Variants in PTCSC3 observed in about 807,000 individuals in gnomAD.
PTCSC3 encodes papillary thyroid carcinoma susceptibility candidate 3 (non-protein coding).
intron 2 of PTCSC3, among the ~76,000 whole-genome samples, chr14:36,156,562 A>G (rs1362032164): frequency 2.0e-5 from 3 of 151,826 alleles, no homozygotes; most frequent in African/African-American, 7.3e-5. Context: ...TCTCTCCCCT[A>G]GCCCCCAACC....
intron 3 of PTCSC3, among the ~76,000 whole-genome samples, chr14:36,140,086 G>A (rs777253489): frequency 6.6e-6 from 1 of 152,178 alleles, no homozygotes; most frequent in African/African-American, 2.4e-5. Context: ...GAATGACAGA[G>A]TATGTAAACT....
intron 3 of PTCSC3, among the ~76,000 whole-genome samples, chr14:36,149,307 T>C (rs919353891): frequency 2.6e-5 from 4 of 152,204 alleles, no homozygotes; most frequent in African/African-American, 9.6e-5. Context: ...GATATTTTTA[T>C]TGATTTCTAT....
intron 3 of PTCSC3, among the ~76,000 whole-genome samples, chr14:36,146,117 G>T (rs1242165057): frequency 1.5e-5 from 2 of 137,256 alleles, no homozygotes; most frequent in African/African-American, 2.6e-5. Context: ...GTGGTGTGGT[G>T]CTGAAAAAAA....
chr14:36,161,336 G>C (rs1187056545), intron 2 of PTCSC3, among the ~76,000 whole-genome samples: 1 of 152,112 alleles, frequency 6.6e-6, no homozygotes, highest in Non-Finnish European at 1.5e-5. Context: ...TTTTGTGCTG[G>C]TTTTTCCTCA....
At chr14:36,169,616 A>G (rs897371265) in intron 1 of PTCSC3, among the ~76,000 whole-genome samples, 2 of 152,180 alleles carry the variant, frequency 1.3e-5, no homozygotes, top group East Asian at 3.8e-4. Flanking sequence ...TATGTGTTGC[A>G]ATTCATCTTT....
chr14:36,148,404 C>A (rs751240343), intron 3 of PTCSC3, among the ~76,000 whole-genome samples: 7 of 152,156 alleles, frequency 4.6e-5, no homozygotes, highest in Non-Finnish European at 7.4e-5. Context: ...GCGCAGTATT[C>A]GGGTGGGAGT....
At chr14:36,157,610 G>A (rs1881857834) in intron 2 of PTCSC3, among the ~76,000 whole-genome samples, 1 of 152,028 alleles carries the variant, frequency 6.6e-6, no homozygotes, top group South Asian at 2.1e-4. Flanking sequence ...TTCTGCGTAT[G>A]GCTAGCCAGT....
At chr14:36,141,337 T>C (rs1210416022) in intron 3 of PTCSC3, among the ~76,000 whole-genome samples, 3 of 152,202 alleles carry the variant, frequency 2.0e-5, no homozygotes, top group South Asian at 4.1e-4. Context: ...AACTGACATC[T>C]TGACAATATT....
Position 36,169,330 on chromosome 14 carries a change from A to C in PTCSC3, n.172-6647T>G, listed in dbSNP as rs1178087949. On this transcript the variant is annotated intron_variant and non_coding_transcript_variant, in intron 1 of 3. Transcript: ENST00000556013. ...TTACATAAATGATACACTCTAAAAA[A>C]CATTTATGAATACGCATTACCATTA... is the stretch of plus-strand genomic sequence containing the variant. Among the ~76,000 whole-genome samples, 5 of 152,190 alleles carry C rather than the reference A, an allele frequency of 3.3e-5. No individual in the cohort carries two copies. The East Asian group carries it at 7.7e-4, about 23-fold the overall frequency.
At chr14:36,142,124 T>C (rs527961157) in intron 3 of PTCSC3, among the ~76,000 whole-genome samples, 24 of 152,208 alleles carry the variant, frequency 1.6e-4, no homozygotes, top group Non-Finnish European at 2.9e-4. Flanking sequence ...AAGCAACTAG[T>C]TTCCCACCAT....
At chr14:36,175,419 G>C (rs893960143) in intron 1 of PTCSC3, among the ~76,000 whole-genome samples, 3 of 152,134 alleles carry the variant, frequency 2.0e-5, no homozygotes, top group Admixed American at 2.0e-4. Context: ...TGGAAGTTCA[G>C]GAGTCAGTAT....
At chr14:36,152,664 A>T (rs1011594500) in intron 3 of PTCSC3, among the ~76,000 whole-genome samples, 3 of 152,154 alleles carry the variant, frequency 2.0e-5, no homozygotes, top group Non-Finnish European at 4.4e-5. Flanking sequence ...AGGTCGAGGC[A>T]GGCAGATCAC....
intron 2 of PTCSC3, among the ~76,000 whole-genome samples, chr14:36,162,258 G>GAAAAAAAAAAAAA (rs58223160): frequency 8.4e-5 from 9 of 106,544 alleles, no homozygotes; most frequent in African/African-American, 3.9e-4. Context: ...CTGGGGTATG[G>GAAAAAAAAAAAAA]AAAAAAAAAA....
At chr14:36,164,953 C>T (rs1208650139) in intron 1 of PTCSC3, among the ~76,000 whole-genome samples, 17 of 152,114 alleles carry the variant, frequency 1.1e-4, no homozygotes, top group Non-Finnish European at 4.4e-5. Context: ...CTTAATTTCC[C>T]CAGGCAGTGT....
At chr14:36,149,430 G>GTT (rs1881671908) in intron 3 of PTCSC3, among the ~76,000 whole-genome samples, 1 of 152,154 alleles carries the variant, frequency 6.6e-6, no homozygotes, top group African/African-American at 2.4e-5. Context: ...TTCCCTGTGA[G>GTT]TTTGATAAGA....
At chr14:36,154,975 T>C (rs1881799071) in intron 2 of PTCSC3, among the ~76,000 whole-genome samples, 1 of 152,198 alleles carries the variant, frequency 6.6e-6, no homozygotes, top group Non-Finnish European at 1.5e-5. Context: ...GTTCTTTATA[T>C]CATATAAATG....
chr14:36,143,373 C>T (rs1881472279), intron 3 of PTCSC3, among the ~76,000 whole-genome samples: 1 of 110,906 alleles, frequency 9.0e-6, no homozygotes, highest in East Asian at 2.6e-4. Flanking sequence ...GATGGTATCT[C>T]ATTGTGGTTT....
intron 2 of PTCSC3, among the ~76,000 whole-genome samples, chr14:36,159,937 G>T (rs137864143): frequency 0.015 from 2,288 of 152,268 alleles, 31 homozygotes; most frequent in South Asian, 0.032. Context: ...ATTTAGGATA[G>T]TTAGCTCTTC....
At chr14:36,167,193 T>C (rs1420731569) in intron 1 of PTCSC3, among the ~76,000 whole-genome samples, 2 of 152,226 alleles carry the variant, frequency 1.3e-5, no homozygotes, top group Non-Finnish European at 2.9e-5. Context: ...TCTTTGCAGA[T>C]GATTAATCCT....
Sources: gnomAD v4.1 joint callset for allele counts (sites outside exome capture counted in the v4.1 genomes callset) on GRCh38, gnomAD v4.1.1 for gene constraint, MANE v1.5 for transcripts, NCBI Gene and HGNC (gene_info 2026-07-23, HGNC 2026-07-21) for gene names.